The following TBCE variants were observed in gnomAD, a reference collection of about 807,000 sequenced individuals.
TBCE encodes the protein tubulin folding cofactor E.
A neutral mutation model predicts 77.0 loss-of-function variants in TBCE; 53 were observed. The ratio of observed to expected loss-of-function variants is 0.69; its 90% confidence interval spans 0.55 to 0.87. The LOEUF is 0.87. TBCE is among the 40% of genes least tolerant of loss of function. The probability of loss-of-function intolerance (pLI) is 0.00; values close to 1 mark genes in which losing one functional copy is unlikely to be tolerated. For synonymous variants in TBCE, 235 were observed against 241.3 expected (o/e 0.97, Z 0.24); for missense variants, 624 against 622.4 (o/e 1.00, Z -0.03).
intron 2 of TBCE, among the ~76,000 whole-genome samples, chr1:235,385,166 A>G (rs1366309772): frequency 6.6e-6 from 1 of 152,048 alleles, no homozygotes; most frequent in Admixed American, 6.6e-5. Flanking sequence ...GTTTGATTGC[A>G]CTGTGGTCTG....
intron 7 of TBCE, 29 bp from the exon 8 acceptor site, chr1:235,434,175 C>G: frequency 6.2e-7 from 1 of 1,611,830 alleles, no homozygotes; most frequent in South Asian, 1.1e-5. Context: ...GCAGAGGCCG[C>G]CTGAGCCTGA....
intron 6 of TBCE, among the ~76,000 whole-genome samples, chr1:235,427,543 C>A (rs564777482): frequency 1.3e-5 from 2 of 152,308 alleles, no homozygotes; most frequent in East Asian, 3.9e-4. Flanking sequence ...GCAGCTCCAT[C>A]TTCCCTTCTC....
intron 8 of TBCE, 106 bp downstream of exon 8, chr1:235,434,386 C>A: frequency 1.9e-6 from 2 of 1,031,962 alleles, no homozygotes; most frequent in Admixed American, 1.8e-5. Flanking sequence ...GATTTGCAAA[C>A]AAGAATTAGG....
intron 1 of TBCE, among the ~76,000 whole-genome samples, chr1:235,372,217 C>G (rs1677014426): frequency 6.6e-6 from 1 of 152,114 alleles, no homozygotes; most frequent in Admixed American, 6.6e-5. Flanking sequence ...TCCACCTCGC[C>G]AGGCTAATTT....
chr1:235,419,362 G>A, intron 4 of TBCE, 111 bp from the exon 5 acceptor site: 2 of 1,473,280 alleles, frequency 1.4e-6, no homozygotes, highest in East Asian at 2.3e-5. Flanking sequence ...ACTGGTATTT[G>A]TATATTATTT....
chr1:235,383,443 C>T (rs564750770), intron 2 of TBCE, among the ~76,000 whole-genome samples: 1,747 of 152,240 alleles, frequency 0.011, 36 homozygotes, highest in African/African-American at 0.04. Context: ...TCTTCCTACC[C>T]ATGAGCATGG....
intron 1 of TBCE, among the ~76,000 whole-genome samples, chr1:235,372,273 C>T (rs1167357402): frequency 6.6e-6 from 1 of 151,732 alleles, no homozygotes; most frequent in African/African-American, 2.4e-5. Flanking sequence ...GGCAAGGCTG[C>T]TCTGGAACTC....
At chr1:235,378,720 G>A (rs1327928304) in intron 1 of TBCE, among the ~76,000 whole-genome samples, 1 of 151,972 alleles carries the variant, frequency 6.6e-6, no homozygotes, top group Non-Finnish European at 1.5e-5. Flanking sequence ...GGTGGCGTGT[G>A]CGTGGTGGCG....
At chr1:235,423,083 T>A (rs1281438633) in intron 5 of TBCE, among the ~76,000 whole-genome samples, 1 of 152,188 alleles carries the variant, frequency 6.6e-6, no homozygotes, top group African/African-American at 2.4e-5. Flanking sequence ...AAGTATTGCT[T>A]TGGGTGCTTA....
At chr1:235,434,562 A>G (rs887035285) in intron 8 of TBCE, among the ~76,000 whole-genome samples, 4 of 45,354 alleles carry the variant, frequency 8.8e-5, no homozygotes, top group African/African-American at 6.9e-4. Context: ...TTTTTGAGAC[A>G]GAGTCTCACT....
chr1:235,377,450 A>G (rs570336739), intron 1 of TBCE, among the ~76,000 whole-genome samples: 1 of 152,330 alleles, frequency 6.6e-6, no homozygotes, highest in South Asian at 2.1e-4. Flanking sequence ...AAATGCTGGG[A>G]TTGCAGGCGT....
chr1:235,385,325 T>A (rs1016676842), intron 2 of TBCE, among the ~76,000 whole-genome samples: 11 of 152,132 alleles, frequency 7.2e-5, no homozygotes, highest in African/African-American at 2.4e-4. Flanking sequence ...TGTAGATGTC[T>A]ATTACGTCCG....
chr1:235,406,264 A>G (rs1204712744), intron 3 of TBCE, among the ~76,000 whole-genome samples: 6 of 152,148 alleles, frequency 3.9e-5, no homozygotes, highest in Non-Finnish European at 8.8e-5. Flanking sequence ...TTAGAGTTTG[A>G]TGATTTCATG....
chr1:235,426,166 G>A (rs147895007), intron 5 of TBCE, among the ~76,000 whole-genome samples: 2 of 152,068 alleles, frequency 1.3e-5, no homozygotes, highest in African/African-American at 4.8e-5. Context: ...CTTTCTCTGC[G>A]GGGACCTGGC....
chr1:235,399,218 G>C (rs1022661351), intron 2 of TBCE, among the ~76,000 whole-genome samples: 2 of 152,186 alleles, frequency 1.3e-5, no homozygotes, highest in Admixed American at 1.3e-4. Context: ...ACCTCCCAAA[G>C]TGCTGGGATT....
At chr1:235,436,893 C>G (rs6658187) in intron 11 of TBCE, among the ~76,000 whole-genome samples, 2 of 150,966 alleles carry the variant, frequency 1.3e-5, no homozygotes, top group Non-Finnish European at 1.5e-5. Context: ...TCGAGGCGGG[C>G]GGATCACCTG....
intron 3 of TBCE, among the ~76,000 whole-genome samples, chr1:235,402,186 C>T (rs997847389): frequency 2.0e-5 from 3 of 151,860 alleles, no homozygotes; most frequent in Admixed American, 6.6e-5. Context: ...GCCTCAGCCT[C>T]CTGAGTAGCT....
intron 2 of TBCE, among the ~76,000 whole-genome samples, chr1:235,390,232 A>G (rs1291600208): frequency 6.6e-6 from 1 of 152,222 alleles, no homozygotes; most frequent in East Asian, 1.9e-4. Flanking sequence ...AAAGATTTAA[A>G]AAGTATTACA....
intron 6 of TBCE, 131 bp from the exon 7 acceptor site, chr1:235,430,574 A>C: frequency 1.5e-6 from 1 of 659,928 alleles, no homozygotes; most frequent in Non-Finnish European, 2.6e-6. Flanking sequence ...GATTTTTAAA[A>C]TATAATTCCA....
Sources: allele counts gnomAD v4.1 joint callset (sites outside exome capture counted in the v4.1 genomes callset), GRCh38; gene constraint gnomAD v4.1.1; transcripts MANE v1.5; gene names NCBI Gene and HGNC (gene_info 2026-07-23, HGNC 2026-07-21).